The following SATB2 variants were observed in gnomAD, a reference collection of about 807,000 sequenced individuals.
SATB2 encodes the protein DNA-binding protein SATB2.
SATB2 carries 1 observed loss-of-function variant against 73.4 expected under a neutral mutation model. The observed-to-expected ratio is 0.01, with a 90% CI of 0.00 to 0.06. SATB2 has a LOEUF of 0.06. Ranked by LOEUF, SATB2 falls within the 10% of genes least tolerant of loss-of-function variation. SATB2 has a pLI of 1.00. For synonymous variants in SATB2, 397 were observed against 367.0 expected (o/e 1.08, Z -0.93); for missense variants, 459 against 945.8 (o/e 0.49, Z 6.75).
intron 7 of SATB2, among the ~76,000 whole-genome samples, chr2:199,345,323 G>A (rs1286168371): frequency 6.6e-6 from 1 of 151,756 alleles, no homozygotes; most frequent in Non-Finnish European, 1.5e-5. Flanking sequence ...TGCACAACGT[G>A]CAGGTTTGTT....
At chr2:199,328,102 C>A (rs184248681) in intron 8 of SATB2, among the ~76,000 whole-genome samples, 2 of 152,220 alleles carry the variant, frequency 1.3e-5, no homozygotes, top group South Asian at 2.1e-4. Flanking sequence ...ATCCTAGAGC[C>A]CGCCCCTGTG....
At chr2:199,323,326 C>T (rs1284665164) in intron 9 of SATB2, among the ~76,000 whole-genome samples, 3 of 152,028 alleles carry the variant, frequency 2.0e-5, no homozygotes, top group Non-Finnish European at 4.4e-5. Context: ...AAAAGAAACA[C>T]CTGACATCAA....
chr2:199,355,239 C>A, intron 6 of SATB2, among the ~76,000 whole-genome samples: 2 of 145,080 alleles, frequency 1.4e-5, no homozygotes, highest in Non-Finnish European at 3.0e-5. Flanking sequence ...TGTATATATA[C>A]AAGGATGTGT....
chr2:199,370,103 T>C (rs897389413), intron 5 of SATB2, among the ~76,000 whole-genome samples: 3 of 152,176 alleles, frequency 2.0e-5, no homozygotes, highest in African/African-American at 4.8e-5. Flanking sequence ...GGAATCCTAA[T>C]CTCCTGGAGA....
chr2:199,434,597 G>T (rs1308779983), intron 2 of SATB2, among the ~76,000 whole-genome samples: 1 of 152,148 alleles, frequency 6.6e-6, no homozygotes, highest in Non-Finnish European at 1.5e-5. Flanking sequence ...TTCTTTTTGT[G>T]CAAGAAAAAT....
chr2:199,383,534 A>C (rs1689839729), intron 3 of SATB2, among the ~76,000 whole-genome samples: 1 of 152,214 alleles, frequency 6.6e-6, no homozygotes, highest in African/African-American at 2.4e-5. Flanking sequence ...ATCACCCATA[A>C]GTTGAATATA....
intron 7 of SATB2, among the ~76,000 whole-genome samples, chr2:199,346,047 T>G (rs1269373933): frequency 6.6e-6 from 1 of 152,200 alleles, no homozygotes; most frequent in African/African-American, 2.4e-5. Flanking sequence ...AGAGTAGTTT[T>G]TCCCATAAAA....
At chr2:199,459,480 G>A (rs142667827), upstream of SATB2, among the ~76,000 whole-genome samples, 195 of 152,286 alleles carry the variant, frequency 1.3e-3, 3 homozygotes, top group Middle Eastern at 6.8e-3. This position sits in a 1 kb window ranked among gnomAD's most constrained non-coding sequence, Gnocchi z 4.2. Flanking sequence ...AGGGGCCGCA[G>A]CCCCCGCGAG....
intron 8 of SATB2, among the ~76,000 whole-genome samples, chr2:199,327,224 GA>G (rs1295070056): frequency 6.6e-6 from 1 of 152,138 alleles, no homozygotes; most frequent in Non-Finnish European, 1.5e-5. Flanking sequence ...CAGATTACTT[GA>G]GGTCAGGAGT....
upstream of SATB2, among the ~76,000 whole-genome samples, chr2:199,461,724 C>G (rs1446025806): frequency 6.6e-6 from 1 of 152,152 alleles, no homozygotes; most frequent in African/African-American, 2.4e-5. Flanking sequence ...TAAAAGGCCG[C>G]CTGTTTTTCA....
chr2:199,357,282 C>A (rs1337409150), intron 6 of SATB2, among the ~76,000 whole-genome samples: 1 of 152,196 alleles, frequency 6.6e-6, no homozygotes, highest in Non-Finnish European at 1.5e-5. Flanking sequence ...AAAAGCTCAA[C>A]CTCAGCCTTC....
At position 199,336,148 on chromosome 2, in the gene SATB2, A is replaced by T. The variant is rs980133038; in HGVS notation, c.1174-7238T>A. ...CCCTTCCTCCTTGGTGTCTCTAGGA[A>T]GTCTTAGGTACTGGAATAAGAGGCT... On this transcript the variant is annotated intron_variant, in intron 7 of 10. Coordinates refer to ENST00000417098, the MANE Select transcript of SATB2 (RefSeq NM_001172509.2). Among the ~76,000 whole-genome samples, 4 of 152,168 alleles carry T rather than the reference A, an allele frequency of 2.6e-5. No homozygotes were observed. In the East Asian group the frequency reaches 7.7e-4, roughly 29 times the overall value.
Position 199,427,666 on chromosome 2 carries a change from T to C in SATB2, c.346+5672A>G, listed in dbSNP as rs188896715. ...GACAGGATTGGCCATGAATTTCTAA[T>C]TGTTGATCCTAGATGAGGAGTTCAT... On this transcript the variant is annotated intron_variant, in intron 3 of 10. Transcript: ENST00000417098. Among the ~76,000 whole-genome samples, 840 of 151,810 alleles carry C rather than the reference T, an allele frequency of 5.5e-3. 4 individuals are homozygous for C. The highest frequency in any genetic ancestry group is 9.1e-3 in the Non-Finnish European group (616 of 67,886).
chr2:199,356,768 TA>T (rs1559000183), intron 6 of SATB2, among the ~76,000 whole-genome samples: 1 of 152,074 alleles, frequency 6.6e-6, no homozygotes, highest in Non-Finnish European at 1.5e-5. Flanking sequence ...TTAGAAAAAA[TA>T]TATTTATTAT....
intron 10 of SATB2, among the ~76,000 whole-genome samples, chr2:199,279,969 T>C (rs908015462): frequency 6.6e-6 from 1 of 152,132 alleles, no homozygotes; most frequent in Admixed American, 6.5e-5. Flanking sequence ...GGTAAAACCC[T>C]GTCTCTACTA....
At chr2:199,389,773 T>C (rs1354113937) in intron 3 of SATB2, among the ~76,000 whole-genome samples, 1 of 152,084 alleles carries the variant, frequency 6.6e-6, no homozygotes, top group African/African-American at 2.4e-5. Flanking sequence ...ATCAAGAAGA[T>C]TATTATTTAA....
At chr2:199,363,818 G>C (rs927345543) in intron 6 of SATB2, among the ~76,000 whole-genome samples, 8 of 152,134 alleles carry the variant, frequency 5.3e-5, no homozygotes, top group African/African-American at 1.9e-4. Context: ...ATTTTATCCT[G>C]CCATTACTTT....
upstream of SATB2, chr2:199,469,642 C>G (rs550060027): frequency 6.6e-6 from 1 of 152,448 alleles, no homozygotes; most frequent in East Asian, 1.9e-4. Context: ...GCATAAGGGC[C>G]CGAGGCCAGG....
chr2:199,435,491 G>C (rs1691626084), intron 2 of SATB2, among the ~76,000 whole-genome samples: 1 of 152,030 alleles, frequency 6.6e-6, no homozygotes, highest in Admixed American at 6.6e-5. Flanking sequence ...TGGGATTACA[G>C]GCGCCCGTCA....
Sources: gnomAD v4.1 joint callset for allele counts (sites outside exome capture counted in the v4.1 genomes callset) on GRCh38, gnomAD v4.1.1 for gene constraint, Gnocchi (gnomAD v3.1) non-coding constraint, MANE v1.5 for transcripts, NCBI Gene and HGNC (gene_info 2026-07-23, HGNC 2026-07-21) for gene names.